ANKIB1: variants seen among roughly 807,000 people sequenced by gnomAD.
ANKIB1 encodes ankyrin repeat and IBR domain-containing protein 1.
In ANKIB1, 43 loss-of-function variants were observed where a neutral mutation model predicts 122.1. That is an observed-to-expected ratio of 0.35 (90% confidence interval 0.28 to 0.45). ANKIB1 has a LOEUF of 0.45. ANKIB1 is among the 20% of genes least tolerant of loss of function. The pLI is 1.00. For synonymous variants in ANKIB1, 390 were observed against 442.0 expected, an observed-to-expected ratio of 0.88 and a Z score of 1.48; for missense variants, 992 against 1,329.5, an observed-to-expected ratio of 0.75 and a Z score of 3.95.
chr7:92,325,740 C>T (rs1251761433), intron 4 of ANKIB1, among the ~76,000 whole-genome samples: 13 of 151,870 alleles, frequency 8.6e-5, no homozygotes, highest in South Asian at 8.3e-4. Flanking sequence ...CTTTATGTGA[C>T]AGCCTTTCTG....
chr7:92,343,233 G>T lies in ANKIB1; in HGVS notation c.996+1G>T. ...TCCTGGGGATTTAGACACCAGTTTGGTATGGTTTGGTATTCACTGTACTTC... is the reference window on the plus strand; with the variant it reads ...TCCTGGGGATTTAGACACCAGTTTGTTATGGTTTGGTATTCACTGTACTTC... On this transcript the variant is annotated splice_donor_variant, in intron 6 of 19. Coordinates refer to ENST00000265742, the MANE Select transcript of ANKIB1 (RefSeq NM_019004.2). LOFTEE classifies it high-confidence loss of function. 6.2e-7 allele frequency: 1 copy of T among 1,611,518 alleles called. No individual in the cohort carries two copies. The highest frequency in any genetic ancestry group is 8.5e-7 in the Non-Finnish European group (1 of 1,178,132).
intron 3 of ANKIB1, among the ~76,000 whole-genome samples, chr7:92,310,709 T>A (rs1802675655): frequency 6.6e-6 from 1 of 152,192 alleles, no homozygotes; most frequent in Admixed American, 6.5e-5. Context: ...CCTTATACTT[T>A]AAATTGTCTC....
intron 1 of ANKIB1, among the ~76,000 whole-genome samples, chr7:92,293,769 A>G (rs1327717064): frequency 6.6e-6 from 1 of 152,156 alleles, no homozygotes; most frequent in African/African-American, 2.4e-5. Context: ...TCTGAACTCT[A>G]TTCATACTTA....
chr7:92,338,492 T>G (rs1162751782), intron 5 of ANKIB1, among the ~76,000 whole-genome samples: 2 of 152,108 alleles, frequency 1.3e-5, no homozygotes, highest in Non-Finnish European at 2.9e-5. Flanking sequence ...GTTATGTGTA[T>G]ATAATTGTTT....
chr7:92,362,053 C>T (rs1024987090), intron 9 of ANKIB1, 132 bp from the exon 10 acceptor site: 40 of 672,082 alleles, frequency 6.0e-5, no homozygotes, highest in Middle Eastern at 6.3e-4. Flanking sequence ...TCAGGTGATC[C>T]ACCCGCCTTG....
At chr7:92,353,221 G>C (rs987826209) in intron 9 of ANKIB1, among the ~76,000 whole-genome samples, 2 of 152,168 alleles carry the variant, frequency 1.3e-5, no homozygotes, top group Non-Finnish European at 2.9e-5. Flanking sequence ...AATTTCCCAG[G>C]AGATGCTAAT....
At chr7:92,376,265 C>G (rs1473113716) in intron 11 of ANKIB1, among the ~76,000 whole-genome samples, 1 of 152,162 alleles carries the variant, frequency 6.6e-6, no homozygotes, top group East Asian at 1.9e-4. Context: ...CAGACATTGA[C>G]TTTTCTGTAG....
intron 11 of ANKIB1, among the ~76,000 whole-genome samples, chr7:92,374,701 G>A (rs1201403924): frequency 6.6e-6 from 1 of 151,574 alleles, no homozygotes; most frequent in Non-Finnish European, 1.5e-5. Context: ...AATTAATTAA[G>A]GATATGACTC....
At chr7:92,299,462 C>T (rs1418334249) in intron 2 of ANKIB1, among the ~76,000 whole-genome samples, 1 of 152,128 alleles carries the variant, frequency 6.6e-6, no homozygotes, top group African/African-American at 2.4e-5. Flanking sequence ...TAAGAAATTA[C>T]CGATGTTGAA....
Position 92,310,794 on chromosome 7 carries a change from A to G in ANKIB1, c.486+3138A>G, listed in dbSNP as rs75207460. 0.011 allele frequency among the ~76,000 whole-genome samples: 1,696 copies of G among 152,344 alleles called. 88 individuals carry two copies. In the East Asian group the frequency reaches 0.16, roughly 15 times the overall value. ...GACAAGAAAAAAACGTGGATGTTCA[A>G]TACAGACACAACCATCCATATTTGT... On this transcript the variant is annotated intron_variant, in intron 3 of 19. Transcript: ENST00000265742.
intron 9 of ANKIB1, among the ~76,000 whole-genome samples, chr7:92,353,509 T>C (rs968657306): frequency 6.6e-6 from 1 of 152,250 alleles, no homozygotes; most frequent in African/African-American, 2.4e-5. Context: ...TTAGCACATA[T>C]GCATGGATAC....
At chr7:92,271,389 G>T (rs1801787690) in intron 1 of ANKIB1, among the ~76,000 whole-genome samples, 1 of 152,154 alleles carries the variant, frequency 6.6e-6, no homozygotes, top group East Asian at 1.9e-4. Context: ...AGATCAATTA[G>T]TGTGTTTCCT....
At position 92,307,359 on chromosome 7, in the gene ANKIB1, G is replaced by T; in HGVS notation, c.189G>T (p.Gly63=). The T allele has an allele frequency of 6.2e-7, 1 of 1,602,392 alleles. No homozygotes were observed. The highest frequency in any genetic ancestry group is 8.5e-7 in the Non-Finnish European group (1 of 1,172,770). ...AARHGMNKIL[G]TFLGRDGNPN... ...ATTTTTCCCTTTCTTTCCATTTTAGGACTTTTCTTGGTAGAGATGGAAATC... is the reference window on the plus strand; with the variant it reads ...ATTTTTCCCTTTCTTTCCATTTTAGTACTTTTCTTGGTAGAGATGGAAATC... Residue 63 remains glycine (G), a splice_region_variant and synonymous_variant, in exon 3 of 20, where the codon GGG becomes GGT. Coordinates refer to ENST00000265742, the MANE Select transcript of ANKIB1 (RefSeq NM_019004.2).
Position 92,398,452 on chromosome 7 carries a change from C to G in ANKIB1, c.2773C>G (p.Leu925Val). ...GGAACTTGGTGACAGCCTCATGAGACTAGGAGCAGAGAATGACCCATTTTC... is the reference window on the plus strand; with the variant it reads ...GGAACTTGGTGACAGCCTCATGAGAGTAGGAGCAGAGAATGACCCATTTTC... ...LLELGDSLMR[L>V]GAENDPFSTD... Residue 925 changes from leucine to valine, a missense_variant, in exon 20 of 20, where the codon CTA becomes GTA. Leu to Val is a conservative substitution (Grantham distance 32). This residue lies in a region of ANKIB1 where 384 missense variants were observed against 412.0 expected (regional missense o/e 0.93). Coordinates refer to ENST00000265742, the MANE Select transcript of ANKIB1 (RefSeq NM_019004.2). The G allele has an allele frequency of 2.5e-6, 4 of 1,613,880 alleles. No individual in the cohort carries two copies. The highest frequency in any genetic ancestry group is 3.4e-6 in the Non-Finnish European group (4 of 1,179,838).
intron 3 of ANKIB1, among the ~76,000 whole-genome samples, chr7:92,311,631 A>G (rs1802691413): frequency 6.6e-6 from 1 of 152,068 alleles, no homozygotes; most frequent in Admixed American, 6.6e-5. Context: ...ACAGTTTCTT[A>G]TAGCTCATTA....
At chr7:92,281,761 G>A (rs1802016004) in intron 1 of ANKIB1, among the ~76,000 whole-genome samples, 2 of 152,270 alleles carry the variant, frequency 1.3e-5, no homozygotes, top group African/African-American at 2.4e-5. Context: ...GTGGTGGAGC[G>A]AGTTCTTTTC....
At chr7:92,351,686 A>G (rs1392785324) in intron 8 of ANKIB1, among the ~76,000 whole-genome samples, 1 of 149,848 alleles carries the variant, frequency 6.7e-6, no homozygotes, top group African/African-American at 2.4e-5. Context: ...CTAATATGTG[A>G]ACTTTTAAAA....
intron 5 of ANKIB1, among the ~76,000 whole-genome samples, chr7:92,337,263 G>C (rs1185352507): frequency 2.6e-5 from 4 of 152,216 alleles, no homozygotes; most frequent in Non-Finnish European, 5.9e-5. Context: ...CAATGCATCA[G>C]TGAATAGATA....
Position 92,315,424 on chromosome 7 carries a change from T to C in ANKIB1, c.487-3906T>C, listed in dbSNP as rs115153871. Among the ~76,000 whole-genome samples, 245 of 152,264 alleles carry C rather than the reference T, an allele frequency of 1.6e-3. 1 individual carries two copies. Among genetic ancestry groups the C allele is most frequent in the African/African-American group, 5.5e-3 (227 of 41,550 alleles). ...GTGTTATCTACATAGAGTTGACAGC[T>C]AAAAGCAAGATAATGTATAGATGAG... On this transcript the variant is annotated intron_variant, in intron 3 of 19. Coordinates refer to ENST00000265742, the MANE Select transcript of ANKIB1 (RefSeq NM_019004.2).
Sources: gnomAD v4.1 joint callset for allele counts (sites outside exome capture counted in the v4.1 genomes callset) on GRCh38, gnomAD v4.1.1 for gene constraint, gnomAD v4.1.1 regional missense constraint, MANE v1.5 for transcripts, NCBI Gene and HGNC (gene_info 2026-07-23, HGNC 2026-07-21) for gene names.